The following ADCY9 variants were observed in gnomAD, a reference collection of about 807,000 sequenced individuals.
ADCY9 encodes the protein adenylate cyclase 9.
Under a neutral mutation model 101.5 loss-of-function variants are expected in ADCY9, and 50 were observed. That is an observed-to-expected ratio of 0.49 (90% CI 0.39 to 0.62). The LOEUF (loss-of-function observed/expected upper bound fraction) is 0.62, where lower values mean the gene tolerates loss of function less well. Ranked by LOEUF, ADCY9 falls within the 20% of genes least tolerant of loss-of-function variation. ADCY9 has a pLI of 0.00. For synonymous variants in ADCY9, 905 were observed against 769.3 expected (o/e 1.18, Z -2.92); for missense variants, 1,662 against 1,800.4 (o/e 0.92, Z 1.39).
downstream of ADCY9, among the ~76,000 whole-genome samples, chr16:3,958,217 C>T (rs1211438516): frequency 6.6e-6 from 1 of 152,038 alleles, no homozygotes; most frequent in Non-Finnish European, 1.5e-5. Context: ...CCGCCAGGAC[C>T]CCAAACACTG....
intron 2 of ADCY9, chr16:4,054,147 C>T (rs1200391319): frequency 1.3e-5 from 2 of 152,152 alleles, no homozygotes; most frequent in African/African-American, 2.4e-5. Context: ...ACTGATGCAA[C>T]CACAGAGCCG....
At chr16:4,011,858 G>T (rs1193613053) in intron 2 of ADCY9, among the ~76,000 whole-genome samples, 1 of 152,204 alleles carries the variant, frequency 6.6e-6, no homozygotes, top group African/African-American at 2.4e-5. Context: ...CTTCATCGCT[G>T]CCTCTCAGTT....
intron 2 of ADCY9, among the ~76,000 whole-genome samples, chr16:4,075,771 G>C (rs915273080): frequency 5.9e-5 from 9 of 152,168 alleles, no homozygotes; most frequent in Non-Finnish European, 1.0e-4. Context: ...GGAGGGCTCA[G>C]GAAAAGCTTT....
chr16:3,966,059 G>C lies in ADCY9; in HGVS notation c.3778C>G (p.Pro1260Ala). The change falls in exon 11 of 11, where the codon CCA (proline) becomes GCA (alanine). Residue 1260 changes from proline (P) to alanine (A), a missense_variant. Around this residue, in one of 5 missense-constraint regions of ADCY9, gnomAD observed 168 missense variants for 155.3 expected, o/e 1.08. Coordinates refer to ENST00000294016, the MANE Select transcript of ADCY9 (RefSeq NM_001116.4). ...VIPQHQLSIS[P>A]DIRVQVDGSI... Reference sequence around the variant, plus strand: ...CCATCCACCTGGACGCGGATGTCTGGGGAGATGGACAGCTGGTGCTGTGGG... The same window carrying C: ...CCATCCACCTGGACGCGGATGTCTGCGGAGATGGACAGCTGGTGCTGTGGG... 1 of 1,614,230 alleles carries C rather than the reference G, an allele frequency of 6.2e-7. No individual in the cohort carries two copies. Among genetic ancestry groups the C allele is most frequent in the East Asian group, 2.2e-5 (1 of 44,880 alleles).
chr16:3,997,371 C>A (rs544765478), intron 3 of ADCY9, among the ~76,000 whole-genome samples: 2 of 152,376 alleles, frequency 1.3e-5, no homozygotes, highest in East Asian at 3.9e-4. Flanking sequence ...GCCGGTGCAG[C>A]CCGGGCATGC....
chr16:3,989,989 T>A (rs979423460), intron 5 of ADCY9, among the ~76,000 whole-genome samples: 14 of 152,248 alleles, frequency 9.2e-5, no homozygotes, highest in Non-Finnish European at 1.6e-4. Context: ...TCAGTGATTT[T>A]AATAGCAGGG....
At chr16:4,046,653 G>A (rs1401335668) in intron 2 of ADCY9, among the ~76,000 whole-genome samples, 1 of 152,060 alleles carries the variant, frequency 6.6e-6, no homozygotes, top group Non-Finnish European at 1.5e-5. Context: ...TCAGAGTTCT[G>A]AAGAAAATAA....
rs553049270 is a variant in ADCY9, at chr16:3,991,986, G to A, written c.2207+160C>T. On this transcript the variant is annotated intron_variant, in intron 5 of 10. Coordinates refer to ENST00000294016, the MANE Select transcript of ADCY9 (RefSeq NM_001116.4). ...CTTGGGAGGCTGAGGCAGGAGCATC[G>A]TTTGAACCTGGGAGATAGAGGCTGC... Among the ~76,000 whole-genome samples the A allele has an allele frequency of 9.9e-5, 15 of 150,868 alleles. No individual in the cohort carries two copies. The South Asian group carries it at 2.3e-3, about 23-fold the overall frequency.
intron 2 of ADCY9, among the ~76,000 whole-genome samples, chr16:4,102,069 G>A (rs959763688): frequency 3.9e-5 from 6 of 152,146 alleles, no homozygotes; most frequent in African/African-American, 9.7e-5. Flanking sequence ...CAAGATGTGC[G>A]CCAGATTGAG....
chr16:4,087,256 C>T (rs866667415), intron 2 of ADCY9, among the ~76,000 whole-genome samples: 1 of 151,710 alleles, frequency 6.6e-6, no homozygotes, highest in Non-Finnish European at 1.5e-5. Context: ...CAAGGAAGGC[C>T]GGGCACGGTG....
chr16:4,073,818 TGA>T (rs2141171875), intron 2 of ADCY9, among the ~76,000 whole-genome samples: 1 of 120,822 alleles, frequency 8.3e-6, no homozygotes, highest in East Asian at 2.3e-4. Flanking sequence ...AGTCGGGAGA[TGA>T]GACAGAAACC....
At chr16:4,108,558 G>A (rs2057093223) in intron 2 of ADCY9, among the ~76,000 whole-genome samples, 1 of 151,498 alleles carries the variant, frequency 6.6e-6, no homozygotes, top group Non-Finnish European at 1.5e-5. Flanking sequence ...ATTTTCAGTA[G>A]AGACAGGGTT....
chr16:4,039,869 T>C lies in ADCY9; in HGVS notation c.1694-32311A>G, dbSNP rs533263808. Among the ~76,000 whole-genome samples the C allele has an allele frequency of 2.4e-4, 37 of 152,154 alleles. No homozygotes were observed. In the South Asian group the frequency reaches 7.7e-3, roughly 32 times the overall value. On this transcript the variant is annotated intron_variant, in intron 2 of 10. Transcript: ENST00000294016. ...GCCTGGGTAACATAGTGAGATCCCA[T>C]CTCTACGAAAAATGCAAAAATTAGC...
At chr16:3,980,264 G>A (rs1285886796) in intron 7 of ADCY9, among the ~76,000 whole-genome samples, 2 of 139,826 alleles carry the variant, frequency 1.4e-5, no homozygotes, top group Non-Finnish European at 3.2e-5. Flanking sequence ...TTCGTTTCAG[G>A]AGTGTGATGT....
intron 10 of ADCY9, among the ~76,000 whole-genome samples, chr16:3,971,909 C>T (rs943198538): frequency 6.6e-6 from 1 of 152,284 alleles, no homozygotes; most frequent in East Asian, 1.9e-4. Flanking sequence ...ACAGCTGACT[C>T]GAGACGGGCG....
intron 2 of ADCY9, among the ~76,000 whole-genome samples, chr16:4,021,109 G>A (rs2056473513): frequency 6.6e-6 from 1 of 152,098 alleles, no homozygotes; most frequent in Non-Finnish European, 1.5e-5. Flanking sequence ...ATTTTACTAT[G>A]TGAGTTTAAA....
intron 2 of ADCY9, among the ~76,000 whole-genome samples, chr16:4,064,285 C>A (rs896481319): frequency 6.6e-6 from 1 of 152,158 alleles, no homozygotes; most frequent in Non-Finnish European, 1.5e-5. Flanking sequence ...GATTGAAGGA[C>A]TCAGTATTGT....
At position 3,965,557 on chromosome 16, in the gene ADCY9, C is replaced by A. The variant is rs892516143; in HGVS notation, c.*218G>T. On this transcript the variant is annotated 3_prime_UTR_variant, in exon 11 of 11. Transcript: ENST00000294016. ...CTCCACCACGTGCTGAACGGATGAC[C>A]CAGAGGCAGCGGGGTTTCCAGGGAA... The A allele has an allele frequency of 5.0e-6, 3 of 596,682 alleles. No individual in the cohort carries two copies. Among genetic ancestry groups the A allele is most frequent in the Non-Finnish European group, 8.9e-6 (3 of 338,924 alleles). 37.0% of individuals were successfully genotyped at this position (596,682 alleles called of 1,614,324 possible).
downstream of ADCY9, among the ~76,000 whole-genome samples, chr16:3,960,817 ATTTAAAAAAACAATT>A (rs946029848): frequency 1.5e-4 from 23 of 152,232 alleles, no homozygotes; most frequent in African/African-American, 5.5e-4. Context: ...GAGTCATGAT[ATTTAAAAAAACAATT>A]TTTAAAAAGG....
Sources: gnomAD v4.1 joint callset for allele counts (sites outside exome capture counted in the v4.1 genomes callset) on GRCh38, gnomAD v4.1.1 for gene constraint, gnomAD v4.1.1 regional missense constraint, MANE v1.5 for transcripts, NCBI Gene and HGNC (gene_info 2026-07-23, HGNC 2026-07-21) for gene names.